Variants in PCDHGB3 observed in about 807,000 individuals in gnomAD.
PCDHGB3 encodes the protein protocadherin gamma-B3.
In PCDHGB3, 40 loss-of-function variants were observed where a neutral mutation model predicts 59.2. The ratio of observed to expected loss-of-function variants is 0.68; its 90% CI spans 0.52 to 0.88. The LOEUF is 0.88. Ranked by LOEUF, PCDHGB3 falls within the 40% of genes least tolerant of loss-of-function variation. PCDHGB3 has a pLI of 0.00. For synonymous variants in PCDHGB3, 581 were observed against 503.6 expected, an observed-to-expected ratio of 1.15 and a Z score of -2.06; for missense variants, 1,309 against 1,187.9, an observed-to-expected ratio of 1.10 and a Z score of -1.50.
intron 1 of PCDHGB3, chr5:141,391,586 AAT>A (rs1412247634): frequency 6.6e-6 from 1 of 152,234 alleles, no homozygotes; most frequent in Non-Finnish European, 1.5e-5. Flanking sequence ...TTCACAGGAA[AAT>A]ATAAAGTTTT....
chr5:141,511,138 A>C lies in PCDHGB3; in HGVS notation c.2755A>C (p.Asn919His). 6.2e-7 allele frequency: 1 copy of C among 1,614,210 alleles called. No homozygotes were observed. ...DGKAPAGGNGNKKKSGKKEKK is the reference protein window; with the variant it reads ...DGKAPAGGNGHKKKSGKKEKK ...CAAGGCCCCAGCAGGTGGCAATGGCAACAAGAAGAAGTCGGGCAAGAAGGA... is the reference window on the plus strand; with the variant it reads ...CAAGGCCCCAGCAGGTGGCAATGGCCACAAGAAGAAGTCGGGCAAGAAGGA... Residue 919 changes from asparagine to histidine, a missense_variant, in exon 4 of 4, where the codon AAC becomes CAC. Transcript: ENST00000576222.
At chr5:141,389,638 T>C in intron 1 of PCDHGB3, 1 of 1,612,986 alleles carries the variant, frequency 6.2e-7, no homozygotes, top group Non-Finnish European at 8.5e-7. Flanking sequence ...CCTGGCTACT[T>C]GGTGACCAAG....
chr5:141,385,258 A>G lies in PCDHGB3; in HGVS notation c.2415+12449A>G, dbSNP rs1490610927. ...GCTCATCAGCCAGGAGAGCTGTGAG[A>G]AAAATGATTCTTTGCTAACATCCGT... On this transcript the variant is annotated intron_variant, in intron 1 of 3. Coordinates refer to ENST00000576222, the MANE Select transcript of PCDHGB3 (RefSeq NM_018924.5). 6 of 1,613,776 alleles carry G rather than the reference A, an allele frequency of 3.7e-6. No individual in the cohort carries two copies. In the South Asian group the frequency reaches 6.6e-5, roughly 18 times the overall value.
In PCDHGB3 at chr5:141,393,591, C is replaced by T. The variant is rs369860953; in HGVS notation, c.2415+20782C>T. On this transcript the variant is annotated intron_variant, in intron 1 of 3. Coordinates refer to ENST00000576222, the MANE Select transcript of PCDHGB3 (RefSeq NM_018924.5). ...CCTTGAGAACATGCCCCCAGGCACG[C>T]GGCTGCTTACTGTAACAGCCAGCGA... The T allele has an allele frequency of 1.8e-5, 29 of 1,613,882 alleles. No homozygotes were observed. The Middle Eastern group carries it at 4.9e-4, about 28-fold the overall frequency.
At chr5:141,467,649 T>C (rs2099147987) in intron 1 of PCDHGB3, among the ~76,000 whole-genome samples, 1 of 152,146 alleles carries the variant, frequency 6.6e-6, no homozygotes, top group Non-Finnish European at 1.5e-5. Flanking sequence ...TGTACCAAAC[T>C]TCTATAGTGC....
chr5:141,399,320 A>G, intron 1 of PCDHGB3: 3 of 1,614,010 alleles, frequency 1.9e-6, no homozygotes, highest in Non-Finnish European at 2.5e-6. Context: ...AAAAATTCGT[A>G]TAAGTTGGTA....
chr5:141,510,222 G>A (rs891688596), intron 3 of PCDHGB3, among the ~76,000 whole-genome samples: 3 of 151,498 alleles, frequency 2.0e-5, no homozygotes, highest in Admixed American at 6.6e-5. Context: ...GCAGTGAGCC[G>A]GGATCGCGCC....
At chr5:141,382,161 G>A (rs539029748) in intron 1 of PCDHGB3, among the ~76,000 whole-genome samples, 2 of 151,904 alleles carry the variant, frequency 1.3e-5, no homozygotes, top group Admixed American at 6.6e-5. Flanking sequence ...TAAAATGAAG[G>A]TGTTAGACCG....
At position 141,476,638 on chromosome 5, in the gene PCDHGB3, G is replaced by A. The variant is rs997136356; in HGVS notation, c.2416-18169G>A. On this transcript the variant is annotated intron_variant, in intron 1 of 3. Transcript: ENST00000576222. This position sits in a 1 kb window ranked among gnomAD's most constrained non-coding sequence, Gnocchi z 7.6. ...GCAACTCTTTACAAACCTATGAGCT[G>A]AGCCGAAATGAATACTTTGCGCTTC... 1.9e-6 allele frequency: 3 copies of A among 1,614,268 alleles called. No homozygotes were observed. Among genetic ancestry groups the A allele is most frequent in the Middle Eastern group, 1.6e-4 (1 of 6,062 alleles).
chr5:141,511,265 A>G lies in PCDHGB3; in HGVS notation c.*92A>G. On this transcript the variant is annotated 3_prime_UTR_variant, in exon 4 of 4. Coordinates refer to ENST00000576222, the MANE Select transcript of PCDHGB3 (RefSeq NM_018924.5). ...ACCCAGGCCTCAGAGTTTCAGGGCT[A>G]ACCCCCAGAATACTGGTAGGGGCCA... The G allele has an allele frequency of 6.4e-7, 1 of 1,551,730 alleles. No individual in the cohort carries two copies. Among genetic ancestry groups the G allele is most frequent in the South Asian group, 1.2e-5 (1 of 83,132 alleles).
chr5:141,429,547 A>C (rs2097222392), intron 1 of PCDHGB3, among the ~76,000 whole-genome samples: 1 of 152,196 alleles, frequency 6.6e-6, no homozygotes, highest in Non-Finnish European at 1.5e-5. Flanking sequence ...AGAACATGGT[A>C]ATGATTTGAT....
At chr5:141,460,795 G>A (rs1007673184) in intron 1 of PCDHGB3, among the ~76,000 whole-genome samples, 3 of 151,492 alleles carry the variant, frequency 2.0e-5, no homozygotes, top group African/African-American at 4.9e-5. Flanking sequence ...TACACACAAA[G>A]TATATATATG....
chr5:141,469,419 A>G (rs1047562022), intron 1 of PCDHGB3, among the ~76,000 whole-genome samples: 2 of 152,066 alleles, frequency 1.3e-5, no homozygotes, highest in South Asian at 2.1e-4. Flanking sequence ...TACTAAAAAT[A>G]TAAAACTTAG....
rs1168649993 is a variant in PCDHGB3, at chr5:141,432,243, C to G, written c.2415+59434C>G. On this transcript the variant is annotated intron_variant, in intron 1 of 3. Transcript: ENST00000576222. The surrounding 1 kb of genome is among the most constrained non-coding windows in gnomAD (Gnocchi z 6.0). ...ATCACTTATTCCCTGGCTGAGAACA[C>G]CATCCAAGGGGCAAGCCTATCGTCC... 1 of 1,614,244 alleles carries G rather than the reference C, an allele frequency of 6.2e-7. No individual in the cohort carries two copies. Among genetic ancestry groups the G allele is most frequent in the Non-Finnish European group, 8.5e-7 (1 of 1,180,050 alleles).
Position 141,489,079 on chromosome 5 carries a change from C to CCCCA in PCDHGB3, c.2416-5727_2416-5726insCCAC. ...CTCCCCTCCCCCCTGCCCACCCCCGCCACTCGGTGACTAAGAACTGCTGCA... is the reference window on the plus strand; with the variant it reads ...CTCCCCTCCCCCCTGCCCACCCCCGCCCCACACTCGGTGACTAAGAACTGCTGCA... On this transcript the variant is annotated intron_variant, in intron 1 of 3. Transcript: ENST00000576222. This position sits in a 1 kb window ranked among gnomAD's most constrained non-coding sequence, Gnocchi z 4.5. The CCCCA allele has an allele frequency of 9.1e-6, 3 of 329,992 alleles. No homozygotes were observed. Among genetic ancestry groups the CCCCA allele is most frequent in the African/African-American group, 2.4e-5 (1 of 41,312 alleles). The allele number at this position is 329,992 out of a possible 1,614,324, so 20.4% of individuals were successfully genotyped here.
In PCDHGB3 at chr5:141,375,715, C is replaced by T. The variant is rs773544417; in HGVS notation, c.2415+2906C>T. 3.7e-6 allele frequency: 6 copies of T among 1,614,284 alleles called. 1 individual carries two copies. Among genetic ancestry groups the T allele is most frequent in the Non-Finnish European group, 5.1e-6 (6 of 1,180,050 alleles). Reference sequence around the variant, plus strand: ...ACAGCGGGGACCCGCCTCTTAGCAGCAACGTGTCACTGAGCCTGTTTGTGC... The same window carrying T: ...ACAGCGGGGACCCGCCTCTTAGCAGTAACGTGTCACTGAGCCTGTTTGTGC... On this transcript the variant is annotated intron_variant, in intron 1 of 3. Coordinates refer to ENST00000576222, the MANE Select transcript of PCDHGB3 (RefSeq NM_018924.5).
intron 1 of PCDHGB3, chr5:141,478,028 G>A (rs2099428840): frequency 6.2e-7 from 1 of 1,614,060 alleles, no homozygotes; most frequent in South Asian, 1.1e-5. Flanking sequence ...CCAAGACACA[G>A]ATTCACCCAG....
chr5:141,370,286 A>G lies in PCDHGB3; in HGVS notation c.-109A>G. ...CTGCAGCGGAGACACCCATTAGAGA[A>G]CCCAAGCACAAAGACAAAGCAAATA... On this transcript the variant is annotated 5_prime_UTR_variant, in exon 1 of 4. Coordinates refer to ENST00000576222, the MANE Select transcript of PCDHGB3 (RefSeq NM_018924.5). 1.0e-6 allele frequency: 1 copy of G among 968,422 alleles called. No homozygotes were observed. The highest frequency in any genetic ancestry group is 2.9e-5 in the Admixed American group (1 of 34,586). The allele number at this position is 968,422 out of a possible 1,614,324, so 60.0% of individuals were successfully genotyped here.
At chr5:141,401,728 T>G (rs1476616709) in intron 1 of PCDHGB3, among the ~76,000 whole-genome samples, 2 of 152,174 alleles carry the variant, frequency 1.3e-5, no homozygotes, top group Non-Finnish European at 2.9e-5. Context: ...AAACTACTAG[T>G]CTTGTGTACA....
Sources: allele counts gnomAD v4.1 joint callset (sites outside exome capture counted in the v4.1 genomes callset), GRCh38; gene constraint gnomAD v4.1.1; non-coding constraint Gnocchi (gnomAD v3.1); transcripts MANE v1.5; gene names NCBI Gene and HGNC (gene_info 2026-07-23, HGNC 2026-07-21).